Variants in ABCG1 observed in about 807,000 individuals in gnomAD.
The protein encoded by ABCG1 is ATP binding cassette subfamily G member 1.
A neutral mutation model predicts 69.2 loss-of-function variants in ABCG1; 29 were observed. That is an observed-to-expected ratio of 0.42 (90% CI 0.31 to 0.57). The LOEUF is 0.57. ABCG1 is among the 20% of genes least tolerant of loss of function. The pLI is 0.15. For missense variants in ABCG1, 718 were observed against 898.1 expected (o/e 0.80, Z 2.56); for synonymous variants, 370 against 374.8 (o/e 0.99, Z 0.15).
intron 10 of ABCG1, among the ~76,000 whole-genome samples, chr21:42,289,642 A>G (rs532097531): frequency 6.6e-6 from 1 of 152,328 alleles, no homozygotes; most frequent in East Asian, 1.9e-4. Flanking sequence ...TTTGAAAGAC[A>G]GAGGGGCTCA....
At chr21:42,220,698 C>A (rs552635485) in intron 1 of ABCG1, among the ~76,000 whole-genome samples, 1 of 152,226 alleles carries the variant, frequency 6.6e-6, no homozygotes, top group African/African-American at 2.4e-5. Context: ...ACGGAAAAGC[C>A]GTTTCCCTCC....
intron 2 of ABCG1, among the ~76,000 whole-genome samples, chr21:42,263,332 T>C (rs1161862342): frequency 6.6e-6 from 1 of 152,228 alleles, no homozygotes; most frequent in Admixed American, 6.5e-5. Flanking sequence ...ATTGTTTGTT[T>C]TGGAAAAGTT....
At chr21:42,265,012 G>A (rs143511775) in intron 2 of ABCG1, among the ~76,000 whole-genome samples, 336 of 152,292 alleles carry the variant, frequency 2.2e-3, no homozygotes, top group Admixed American at 4.6e-3. Context: ...TGAGCTCCTC[G>A]AGATCAGAGC....
At chr21:42,279,499 T>C (rs170441) in intron 5 of ABCG1, among the ~76,000 whole-genome samples, 4 of 152,128 alleles carry the variant, frequency 2.6e-5, no homozygotes, top group Non-Finnish European at 5.9e-5. Context: ...CACTGCCTGC[T>C]GTGCCCCGAG....
In ABCG1 at chr21:42,296,029, C is replaced by A; in HGVS notation, c.1773-135C>A. On this transcript the variant is annotated intron_variant, in intron 14 of 14. Coordinates refer to ENST00000398449, the MANE Select transcript of ABCG1 (RefSeq NM_016818.3). The surrounding 1 kb of genome is among the most constrained non-coding windows in gnomAD (Gnocchi z 5.4). ...AGGTGGTGGGCGGTGAGGAAGTATT[C>A]TGGGGAAGGCGGCCCTTTGGGAAGG... 1.5e-6 allele frequency: 1 copy of A among 682,432 alleles called. No homozygotes were observed. 42.3% of individuals were successfully genotyped at this position (682,432 alleles called of 1,614,324 possible).
rs529967241 is a variant in ABCG1, at chr21:42,209,016, C to T, written c.48+7293C>T. Among the ~76,000 whole-genome samples the T allele has an allele frequency of 1.2e-4, 18 of 152,202 alleles. No individual in the cohort carries two copies. In the East Asian group the frequency reaches 2.5e-3, roughly 21 times the overall value. On this transcript the variant is annotated intron_variant, in intron 2 of 15. Coordinates refer to the ABCG1 transcript ENST00000398457. ...GGCAGGAGGGTCAGGAGAAATGTCT[C>T]GGAGCCTGGAAAGGGGAGCTGTGGA... is the stretch of plus-strand genomic sequence containing the variant.
chr21:42,238,293 T>G (rs1160364667), intron 2 of ABCG1, among the ~76,000 whole-genome samples: 1 of 152,088 alleles, frequency 6.6e-6, no homozygotes, highest in African/African-American at 2.4e-5. Context: ...TCACAGAGAG[T>G]GCCATCTCTT....
At chr21:42,281,819 A>C (rs1008754147) in intron 5 of ABCG1, among the ~76,000 whole-genome samples, 1 of 152,138 alleles carries the variant, frequency 6.6e-6, no homozygotes, top group South Asian at 2.1e-4. Context: ...AGTAACCATC[A>C]CAGCGACCCT....
In ABCG1 at chr21:42,201,452, T is replaced by G. The variant is rs184766451; in HGVS notation, c.-99-125T>G. 9.0e-6 allele frequency: 5 copies of G among 555,236 alleles called. No individual in the cohort carries two copies. In the African/African-American group the frequency reaches 9.5e-5, roughly 11 times the overall value. 34.4% of individuals were successfully genotyped at this position (555,236 alleles called of 1,614,324 possible). A position where few individuals can be genotyped will look rare whatever the true frequency, so the allele number is the denominator to read the frequency against. ...CTCACCTCCTGCTGTGTGGCCCCAT[T>G]CCTAACGGGCCACGGACTGGTCTGC... On this transcript the variant is annotated intron_variant, in intron 1 of 15. Coordinates refer to the ABCG1 transcript ENST00000398457.
At chr21:42,201,597 C>G in exon 2 of ABCG1, 1 of 1,550,298 alleles carries the variant, frequency 6.5e-7, no homozygotes, top group Middle Eastern at 1.9e-4. Context: ...ACCTGAACTT[C>G]GCTTCCTGAG....
At chr21:42,274,603 T>C (rs921091592) in intron 4 of ABCG1, among the ~76,000 whole-genome samples, 3 of 151,294 alleles carry the variant, frequency 2.0e-5, no homozygotes, top group South Asian at 2.1e-4. Context: ...GCCTCCCAAG[T>C]AGCTGGGACT....
intron 2 of ABCG1, among the ~76,000 whole-genome samples, chr21:42,229,228 G>A (rs2067865216): frequency 6.6e-6 from 1 of 152,250 alleles, no homozygotes; most frequent in Non-Finnish European, 1.5e-5. Context: ...GCGACTCCAA[G>A]TGTGACGTTG....
chr21:42,223,816 T>A (rs1375258294), intron 1 of ABCG1, among the ~76,000 whole-genome samples: 1 of 152,116 alleles, frequency 6.6e-6, no homozygotes, highest in African/African-American at 2.4e-5. Flanking sequence ...TGTAGATGGG[T>A]GGTGTGGTGG....
At position 42,296,481 on chromosome 21, in the gene ABCG1, GAC is replaced by G; in HGVS notation, c.*93_*94del. The G allele has an allele frequency of 1.7e-6, 2 of 1,175,642 alleles. No individual in the cohort carries two copies. Among genetic ancestry groups the G allele is most frequent in the South Asian group, 1.3e-5 (1 of 75,978 alleles). The allele number at this position is 1,175,642 out of a possible 1,614,324, so 72.8% of individuals were successfully genotyped here. ...GGAGGCAAGCCTGTGCCCGACCGAC[GAC>G]ACAGAGACTCTTCTGATCCAACCCC... On this transcript the variant is annotated 3_prime_UTR_variant, in exon 15 of 15. Transcript: ENST00000398449. The surrounding 1 kb of genome is among the most constrained non-coding windows in gnomAD (Gnocchi z 5.4).
Position 42,273,337 on chromosome 21 carries a change from G to A in ABCG1, c.439G>A (p.Gly147Ser), listed in dbSNP as rs764667661. 2.5e-6 allele frequency: 4 copies of A among 1,613,676 alleles called. No individual in the cohort carries two copies. Among genetic ancestry groups the A allele is most frequent in the South Asian group, 2.2e-5 (2 of 91,070 alleles). ...CATGAAGGGGGCCGTCCTCATCAACGGCCTGCCCCGGGACCTGCGCTGCTT... is the reference window on the plus strand; with the variant it reads ...CATGAAGGGGGCCGTCCTCATCAACAGCCTGCCCCGGGACCTGCGCTGCTT... ...TGMKGAVLINGLPRDLRCFRK... is the reference protein window; with the variant it reads ...TGMKGAVLINSLPRDLRCFRK... Residue 147 changes from glycine to serine, a missense_variant, in exon 4 of 15, where the codon GGC becomes AGC. Transcript: ENST00000398449. This position sits in a 1 kb window ranked among gnomAD's most constrained non-coding sequence, Gnocchi z 5.3.
intron 13 of ABCG1, among the ~76,000 whole-genome samples, chr21:42,292,820 C>T (rs111213060): frequency 0.024 from 3,571 of 147,850 alleles, 133 homozygotes; most frequent in African/African-American, 0.084. Flanking sequence ...ACACAGTACA[C>T]ACCACACACA....
At chr21:42,279,950 C>G (rs2068778011) in intron 5 of ABCG1, among the ~76,000 whole-genome samples, 1 of 152,234 alleles carries the variant, frequency 6.6e-6, no homozygotes, top group East Asian at 1.9e-4. Context: ...TGAGAGCCTC[C>G]AGCTATTTTC....
chr21:42,285,795 G>A, intron 7 of ABCG1, 85 bp from the exon 8 acceptor site: 1 of 904,604 alleles, frequency 1.1e-6, no homozygotes, highest in Non-Finnish European at 1.8e-6. Flanking sequence ...TCGGTTGATT[G>A]ATTGGTTGAT....
At chr21:42,294,849 C>T (rs890030667) in intron 14 of ABCG1, 189 bp downstream of exon 14, 53 of 583,954 alleles carry the variant, frequency 9.1e-5, no homozygotes, top group Admixed American at 3.8e-4. Flanking sequence ...CACACACACA[C>T]TAAACAAGGA....
Sources: allele counts gnomAD v4.1 joint callset (sites outside exome capture counted in the v4.1 genomes callset), GRCh38; gene constraint gnomAD v4.1.1; non-coding constraint Gnocchi (gnomAD v3.1); transcripts MANE v1.5; gene names NCBI Gene and HGNC (gene_info 2026-07-23, HGNC 2026-07-21).